The following GPC6 variants were observed in gnomAD, a reference collection of about 807,000 sequenced individuals.
The protein encoded by GPC6 is glypican-6.
In GPC6, 14 loss-of-function variants were observed where a neutral mutation model predicts 55.2. The ratio of observed to expected loss-of-function variants is 0.25; its 90% CI spans 0.17 to 0.40. The LOEUF (loss-of-function observed/expected upper bound fraction) is 0.40. Ranked by LOEUF, GPC6 falls within the 10% of genes least tolerant of loss-of-function variation. The probability of loss-of-function intolerance (pLI) is 1.00; values close to 1 mark genes in which losing one functional copy is unlikely to be tolerated. For missense variants in GPC6, 641 were observed against 708.5 expected, an observed-to-expected ratio of 0.90 and a Z score of 1.08; for synonymous variants, 278 against 259.6, an observed-to-expected ratio of 1.07 and a Z score of -0.68.
intron 1 of GPC6, among the ~76,000 whole-genome samples, chr13:93,344,232 T>C (rs1344742818): frequency 6.6e-6 from 1 of 152,206 alleles, no homozygotes; most frequent in African/African-American, 2.4e-5. Context: ...GCCCCGCCTC[T>C]TTGTTTTCTG....
chr13:93,553,221 C>G (rs1875252585), intron 2 of GPC6, among the ~76,000 whole-genome samples: 1 of 151,444 alleles, frequency 6.6e-6, no homozygotes. Flanking sequence ...CTTTCTTCTT[C>G]CACTGAGCCA....
intron 3 of GPC6, among the ~76,000 whole-genome samples, chr13:93,950,890 C>A (rs1879224428): frequency 6.6e-6 from 1 of 151,954 alleles, no homozygotes; most frequent in Non-Finnish European, 1.5e-5. Context: ...TCCATGGTGA[C>A]TGGGAAGAGT....
At chr13:93,861,244 A>G (rs775453940) in intron 3 of GPC6, among the ~76,000 whole-genome samples, 1 of 151,444 alleles carries the variant, frequency 6.6e-6, no homozygotes, top group East Asian at 2.0e-4. Context: ...ACTCTTTTGT[A>G]TAAATTTCAT....
intron 1 of GPC6, among the ~76,000 whole-genome samples, chr13:93,442,901 C>T (rs1877858194): frequency 6.6e-6 from 1 of 152,104 alleles, no homozygotes; most frequent in African/African-American, 2.4e-5. Context: ...TATAATATAA[C>T]ATTATACCAG....
At chr13:93,942,074 A>G (rs1436934551) in intron 3 of GPC6, among the ~76,000 whole-genome samples, 5 of 152,138 alleles carry the variant, frequency 3.3e-5, no homozygotes, top group African/African-American at 7.2e-5. Context: ...CTGGCATGCA[A>G]TTTTTACTAC....
At chr13:93,594,029 T>C (rs7985085) in intron 2 of GPC6, among the ~76,000 whole-genome samples, 138,117 of 152,196 alleles carry the variant, frequency 0.91, 62,865 homozygotes, top group African/African-American at 0.98. Context: ...ACATCTGTAT[T>C]GGCTTTTATA....
At chr13:93,760,025 C>CAACA (rs1884906309) in intron 2 of GPC6, among the ~76,000 whole-genome samples, 1 of 148,028 alleles carries the variant, frequency 6.8e-6, no homozygotes, top group African/African-American at 2.5e-5. Flanking sequence ...GCTGAGAAAA[C>CAACA]AAAAAAAAAA....
intron 2 of GPC6, among the ~76,000 whole-genome samples, chr13:93,611,986 G>A (rs973637655): frequency 1.3e-5 from 2 of 152,074 alleles, no homozygotes; most frequent in African/African-American, 4.8e-5. Context: ...CATTGCCAGA[G>A]TAGCTACAAA....
chr13:93,683,452 A>T (rs1881931642), intron 2 of GPC6, among the ~76,000 whole-genome samples: 1 of 152,110 alleles, frequency 6.6e-6, no homozygotes, highest in African/African-American at 2.4e-5. Flanking sequence ...GTATTTAATA[A>T]TTATTTTTAA....
At chr13:94,229,522 A>G (rs1193729827) in intron 4 of GPC6, among the ~76,000 whole-genome samples, 3 of 152,242 alleles carry the variant, frequency 2.0e-5, no homozygotes, top group African/African-American at 7.2e-5. Flanking sequence ...ACAGAAGCCA[A>G]GGAGTATTTT....
intron 1 of GPC6, among the ~76,000 whole-genome samples, chr13:93,457,291 A>G (rs981841925): frequency 1.3e-5 from 2 of 152,068 alleles, no homozygotes; most frequent in African/African-American, 2.4e-5. Flanking sequence ...TTAAGGGACC[A>G]CCCTACTCCA....
chr13:94,102,629 T>A (rs1324173684), intron 4 of GPC6, among the ~76,000 whole-genome samples: 1 of 152,148 alleles, frequency 6.6e-6, no homozygotes, highest in Non-Finnish European at 1.5e-5. Flanking sequence ...AACAGCCTTA[T>A]GATTTTTATC....
At chr13:93,543,220 G>GT (rs1882400042) in intron 1 of GPC6, among the ~76,000 whole-genome samples, 1 of 152,138 alleles carries the variant, frequency 6.6e-6, no homozygotes. Context: ...TTTATTGAGA[G>GT]TTTTTAGCAT....
Position 93,597,142 on chromosome 13 carries a change from G to A in GPC6, c.319+51721G>A, listed in dbSNP as rs1239810000. Among the ~76,000 whole-genome samples, 4 of 152,070 alleles carry A rather than the reference G, an allele frequency of 2.6e-5. No individual in the cohort carries two copies. The South Asian group carries it at 8.3e-4, about 31-fold the overall frequency. ...TGGAGCCAACCCGTATTAGAAAGGGGAATCTCCTGTACTCAATCTATTCCT... is the reference window on the plus strand; with the variant it reads ...TGGAGCCAACCCGTATTAGAAAGGGAAATCTCCTGTACTCAATCTATTCCT... On this transcript the variant is annotated intron_variant, in intron 2 of 8. Coordinates refer to ENST00000377047, the MANE Select transcript of GPC6 (RefSeq NM_005708.5).
intron 2 of GPC6, among the ~76,000 whole-genome samples, chr13:93,591,905 C>T (rs1341547256): frequency 6.6e-6 from 1 of 152,022 alleles, no homozygotes; most frequent in Non-Finnish European, 1.5e-5. Flanking sequence ...TAAATATGGG[C>T]CAATTATTTC....
chr13:93,686,758 G>GT (rs1202660768), intron 2 of GPC6, among the ~76,000 whole-genome samples: 3 of 152,076 alleles, frequency 2.0e-5, no homozygotes, highest in African/African-American at 7.2e-5. Flanking sequence ...TTGAGGTGGT[G>GT]AATATAGAGA....
rs548296177 is a variant in GPC6, at chr13:94,267,180, G to A, written c.878-19169G>A. Among the ~76,000 whole-genome samples, 5 of 152,140 alleles carry A rather than the reference G, an allele frequency of 3.3e-5. No individual in the cohort carries two copies. In the South Asian group the frequency reaches 1.0e-3, roughly 32 times the overall value. On this transcript the variant is annotated intron_variant, in intron 4 of 8. Coordinates refer to ENST00000377047, the MANE Select transcript of GPC6 (RefSeq NM_005708.5). ...GGCCAGGGGTGCAGCAGATGACTTA[G>A]GAGAAATGGGGAAGAGACTGGTTGT...
At chr13:93,927,219 C>T (rs773820616) in intron 3 of GPC6, among the ~76,000 whole-genome samples, 1 of 152,166 alleles carries the variant, frequency 6.6e-6, no homozygotes, top group Non-Finnish European at 1.5e-5. Context: ...GAGAGAATTT[C>T]ATTGAGTCTC....
intron 3 of GPC6, among the ~76,000 whole-genome samples, chr13:93,994,049 C>T (rs764766692): frequency 3.3e-5 from 5 of 152,062 alleles, no homozygotes; most frequent in East Asian, 1.9e-4. Context: ...AAAATACTTA[C>T]GTTTATTACA....
Sources: allele counts gnomAD v4.1 joint callset (sites outside exome capture counted in the v4.1 genomes callset), GRCh38; gene constraint gnomAD v4.1.1; transcripts MANE v1.5; gene names NCBI Gene and HGNC (gene_info 2026-07-23, HGNC 2026-07-21).